The following CHD6 variants were observed in gnomAD, a reference collection of about 807,000 sequenced individuals.
The protein encoded by CHD6 is chromodomain helicase DNA binding protein 6, also known as ATP-dependent chromatin remodeler CHD6.
A neutral mutation model predicts 276.9 loss-of-function variants in CHD6; 50 were observed. That is an observed-to-expected ratio of 0.18 (90% confidence interval 0.14 to 0.23). The LOEUF (loss-of-function observed/expected upper bound fraction) is 0.23, where lower values mean the gene tolerates loss of function less well. Ranked by LOEUF, CHD6 falls within the 10% of genes least tolerant of loss-of-function variation. The probability of loss-of-function intolerance (pLI) is 1.00; values close to 1 mark genes in which losing one functional copy is unlikely to be tolerated. For missense variants in CHD6, 2,564 were observed against 3,365.8 expected (o/e 0.76, Z 5.89); for synonymous variants, 1,173 against 1,229.3 (o/e 0.95, Z 0.96).
rs1323488649 is a variant in CHD6, at chr20:41,402,386, A to G, written c.*2207T>C. Reference sequence around the variant, plus strand: ...CTGAACACCCAGAGAGTTAACATACAGATTCCATAAGGATAACAAGGGATT... The same window carrying G: ...CTGAACACCCAGAGAGTTAACATACGGATTCCATAAGGATAACAAGGGATT... On this transcript the variant is annotated 3_prime_UTR_variant, in exon 37 of 37. Coordinates refer to ENST00000373233, the MANE Select transcript of CHD6 (RefSeq NM_032221.5). The G allele has an allele frequency of 4.4e-6, 1 of 229,448 alleles. No homozygotes were observed. The allele number at this position is 229,448 out of a possible 1,614,324, so 14.2% of individuals were successfully genotyped here.
chr20:41,484,375 C>G lies in CHD6; in HGVS notation c.2234G>C (p.Cys745Ser). ...ACCATTGATCAGGTAGGGATGGTTA[C>G]AGCACTTCCTCAGCTCCATCATGGT... ...INTMMELRKC[C>S]NHPYLINGAE... The change falls in exon 15 of 37, where the codon TGT becomes TCT. Residue 745 changes from cysteine to serine, a missense_variant. Coordinates refer to ENST00000373233, the MANE Select transcript of CHD6 (RefSeq NM_032221.5). 6.2e-7 allele frequency: 1 copy of G among 1,613,864 alleles called. No individual in the cohort carries two copies. Among genetic ancestry groups the G allele is most frequent in the Non-Finnish European group, 8.5e-7 (1 of 1,179,802 alleles).
intron 3 of CHD6, among the ~76,000 whole-genome samples, chr20:41,528,913 GA>G (rs2044611546): frequency 6.6e-6 from 1 of 152,158 alleles, no homozygotes; most frequent in African/African-American, 2.4e-5. Context: ...TTTAGTCCTT[GA>G]AAGGATACCA....
At chr20:41,460,818 A>G (rs2048523731) in intron 17 of CHD6, among the ~76,000 whole-genome samples, 1 of 152,136 alleles carries the variant, frequency 6.6e-6, no homozygotes, top group Non-Finnish European at 1.5e-5. Context: ...TGGCTAGTGG[A>G]GCTGTGAGAA....
chr20:41,488,302 C>A (rs1285799078), intron 13 of CHD6, 126 bp downstream of exon 13: 2 of 912,370 alleles, frequency 2.2e-6, no homozygotes, highest in East Asian at 4.9e-5. Context: ...GTTATAGAGA[C>A]CAAAAAAGAA....
At chr20:41,507,467 G>A (rs1353919209) in intron 5 of CHD6, among the ~76,000 whole-genome samples, 1 of 152,038 alleles carries the variant, frequency 6.6e-6, no homozygotes, top group Non-Finnish European at 1.5e-5. Context: ...TCCAAATATG[G>A]AAAACGGGTT....
At position 41,404,894 on chromosome 20, in the gene CHD6, C is replaced by T. The variant is rs775202883; in HGVS notation, c.7847G>A (p.Gly2616Glu). ...TGGGTAAATGAGTCCAGGAGATACT[C>T]CTGGGATGAGAAATGGGTTAAAAGC... ...PVAFNPFLIP[G>E]VSPGLIYPSM... is the part of the protein sequence containing the mutation. Residue 2616 changes from glycine to glutamate, a missense_variant, in exon 37 of 37, where the codon GGA (glycine) becomes GAA (glutamate). By Grantham distance (98) the Gly-to-Glu change is moderately conservative. Coordinates refer to ENST00000373233, the MANE Select transcript of CHD6 (RefSeq NM_032221.5). The T allele has an allele frequency of 6.2e-7, 1 of 1,614,112 alleles. No homozygotes were observed. The highest frequency in any genetic ancestry group is 8.5e-7 in the Non-Finnish European group (1 of 1,180,006).
chr20:41,429,126 G>A (rs1207051270), intron 27 of CHD6, among the ~76,000 whole-genome samples: 1 of 152,166 alleles, frequency 6.6e-6, no homozygotes, highest in East Asian at 1.9e-4. Context: ...TAGGAACTGT[G>A]GCACAGCACG....
chr20:41,556,700 A>G (rs1198146468), intron 1 of CHD6, among the ~76,000 whole-genome samples: 1 of 152,198 alleles, frequency 6.6e-6, no homozygotes. Context: ...TGGCACCCCA[A>G]CAGATCACAA....
intron 1 of CHD6, among the ~76,000 whole-genome samples, chr20:41,581,688 AAT>A (rs2045542620): frequency 6.6e-6 from 1 of 152,040 alleles, no homozygotes; most frequent in African/African-American, 2.4e-5. Flanking sequence ...AAAAAAAAAA[AAT>A]CACCATTATC....
chr20:41,434,913 A>T lies in CHD6; in HGVS notation c.4068+2361T>A, dbSNP rs542706966. On this transcript the variant is annotated intron_variant, in intron 27 of 36. Coordinates refer to ENST00000373233, the MANE Select transcript of CHD6 (RefSeq NM_032221.5). Reference sequence around the variant, plus strand: ...ATGAAATACTGCATCCAATAAAACCAAAAGCATGTTCTTTCCAAGTGCCCA... The same window carrying T: ...ATGAAATACTGCATCCAATAAAACCTAAAGCATGTTCTTTCCAAGTGCCCA... 5.3e-5 allele frequency among the ~76,000 whole-genome samples: 8 copies of T among 152,334 alleles called. No individual in the cohort carries two copies. The East Asian group carries it at 1.5e-3, about 29-fold the overall frequency.
chr20:41,435,706 T>C (rs1328993858), intron 27 of CHD6, among the ~76,000 whole-genome samples: 1 of 151,630 alleles, frequency 6.6e-6, no homozygotes, highest in African/African-American at 2.4e-5. Flanking sequence ...GATATAAAGG[T>C]TTAAAGCAAT....
At chr20:41,588,507 G>A (rs4812530) in intron 1 of CHD6, among the ~76,000 whole-genome samples, 57,123 of 151,846 alleles carry the variant, frequency 0.38, 13,308 homozygotes, top group African/African-American at 0.64. Context: ...ACTGGGCCAA[G>A]GTAAGTCATA....
At chr20:41,418,872 C>T (rs1251266230) in intron 31 of CHD6, among the ~76,000 whole-genome samples, 1 of 152,206 alleles carries the variant, frequency 6.6e-6, no homozygotes, top group Non-Finnish European at 1.5e-5. Context: ...ATTAAGGTCA[C>T]TGCTCCCTCT....
intron 2 of CHD6, among the ~76,000 whole-genome samples, chr20:41,543,590 G>C (rs984301668): frequency 5.3e-5 from 8 of 152,070 alleles, no homozygotes; most frequent in African/African-American, 1.9e-4. Context: ...TTATTAAGTG[G>C]ACATATATTA....
intron 2 of CHD6, among the ~76,000 whole-genome samples, chr20:41,534,088 A>G (rs1601104550): frequency 1.3e-5 from 2 of 152,208 alleles, no homozygotes; most frequent in Middle Eastern, 3.2e-3. Flanking sequence ...TTTAGAAGTT[A>G]TATCTCATTC....
At chr20:41,611,068 A>G (rs2045882729) in intron 1 of CHD6, among the ~76,000 whole-genome samples, 1 of 152,236 alleles carries the variant, frequency 6.6e-6, no homozygotes. Flanking sequence ...GCCTTACAAG[A>G]CACATCTAAA....
In CHD6 at chr20:41,459,087, G is replaced by C. The variant is rs1251534391; in HGVS notation, c.2665-1659C>G. 3.9e-5 allele frequency among the ~76,000 whole-genome samples: 6 copies of C among 152,268 alleles called. No homozygotes were observed. In the South Asian group the frequency reaches 1.0e-3, roughly 26 times the overall value. ...GTTGGATTTGAAGTTACTGGGCCCA[G>C]AGAAAGGGGTAAGTCTAAGCAGGAA... On this transcript the variant is annotated intron_variant, in intron 17 of 36. Coordinates refer to ENST00000373233, the MANE Select transcript of CHD6 (RefSeq NM_032221.5).
rs1173233633 is a variant in CHD6 at position 41,488,526 on chromosome 20, A to C, written c.1759T>G (p.Leu587Val). The C allele has an allele frequency of 6.2e-7, 1 of 1,613,848 alleles. No individual in the cohort carries two copies. The highest frequency in any genetic ancestry group is 1.7e-5 in the Admixed American group (1 of 60,014). Reference protein sequence around the residue: ...FEMILADCPELKKIHWSCVII... With the variant: ...FEMILADCPEVKKIHWSCVII... The stretch of plus-strand genomic sequence containing the variant: ...ACACAGCTCCAGTGAATCTTCTTCA[A>C]CTCTGGGCAGTCTGCTAGGATCATT... The change falls in exon 13 of 37, where the codon TTG (leucine) becomes GTG (valine). Residue 587 changes from leucine (L) to valine (V), a missense_variant. Leu to Val is a conservative substitution (Grantham distance 32). Around this residue, in one of 7 missense-constraint regions of CHD6, gnomAD observed 457 missense variants for 889.0 expected, o/e 0.51. Coordinates refer to ENST00000373233, the MANE Select transcript of CHD6 (RefSeq NM_032221.5).
chr20:41,507,297 G>A (rs2043999343), intron 5 of CHD6, among the ~76,000 whole-genome samples: 1 of 151,954 alleles, frequency 6.6e-6, no homozygotes, highest in Non-Finnish European at 1.5e-5. Context: ...AGAAAGCACA[G>A]GACTTTGAAT....
Sources: allele counts gnomAD v4.1 joint callset (sites outside exome capture counted in the v4.1 genomes callset), GRCh38; gene constraint gnomAD v4.1.1; regional missense constraint gnomAD v4.1.1; transcripts MANE v1.5; gene names NCBI Gene and HGNC (gene_info 2026-07-23, HGNC 2026-07-21).